The following ASTN2 variants were observed in gnomAD, a reference collection of about 807,000 sequenced individuals.
The protein encoded by ASTN2 is astrotactin-2.
ASTN2 carries 54 observed loss-of-function variants against 139.8 expected under a neutral mutation model. The ratio of observed to expected loss-of-function variants is 0.39; its 90% CI spans 0.31 to 0.48. The LOEUF (loss-of-function observed/expected upper bound fraction) is 0.48. Ranked by LOEUF, ASTN2 falls within the 20% of genes least tolerant of loss-of-function variation. The pLI is 0.95. For missense variants in ASTN2, 1,565 were observed against 1,725.1 expected, an observed-to-expected ratio of 0.91 and a Z score of 1.64; for synonymous variants, 756 against 719.5, an observed-to-expected ratio of 1.05 and a Z score of -0.81.
At chr9:116,568,870 G>A (rs567292943) in intron 19 of ASTN2, 3 of 152,320 alleles carry the variant, frequency 2.0e-5, no homozygotes, top group African/African-American at 7.2e-5. Context: ...AAAGAAGAAA[G>A]AAGCTTAGGA....
In ASTN2 at chr9:116,862,411, C is replaced by T. The variant is rs370204377; in HGVS notation, c.2040+1172G>A. Among the ~76,000 whole-genome samples the T allele has an allele frequency of 4.6e-5, 7 of 152,228 alleles. No homozygotes were observed. In the East Asian group the frequency reaches 7.7e-4, roughly 17 times the overall value. On this transcript the variant is annotated intron_variant, in intron 11 of 22. Coordinates refer to ENST00000313400, the MANE Select transcript of ASTN2 (RefSeq NM_001365068.1). ...ACTGAAAAACCAGTCTGTGCTATAA[C>T]GTGTCACAGGTGACTTAATAAAGCT...
intron 19 of ASTN2, among the ~76,000 whole-genome samples, chr9:116,554,678 G>C (rs1482358999): frequency 6.6e-6 from 1 of 152,114 alleles, no homozygotes; most frequent in Non-Finnish European, 1.5e-5. Flanking sequence ...TATCTGTCTA[G>C]AATTTTATAA....
rs1193240648 is a variant in ASTN2, at chr9:116,487,508, G to A, written c.3356-8C>T. ...CAAAACTCAGGAATTCTCCTGGAGG[G>A]AGAAAAAGAAAGATGAGCTCCCCAG... On this transcript the variant is annotated splice_region_variant and splice_polypyrimidine_tract_variant and intron_variant, in intron 19 of 22. Coordinates refer to ENST00000313400, the MANE Select transcript of ASTN2 (RefSeq NM_001365068.1). The A allele has an allele frequency of 1.9e-6, 3 of 1,612,168 alleles. No homozygotes were observed. Among genetic ancestry groups the A allele is most frequent in the Admixed American group, 1.7e-5 (1 of 59,778 alleles).
intron 1 of ASTN2, among the ~76,000 whole-genome samples, chr9:117,310,549 G>A (rs1827942507): frequency 6.6e-6 from 1 of 152,154 alleles, no homozygotes; most frequent in Non-Finnish European, 1.5e-5. Context: ...ACCAAGAGCA[G>A]CCCTTAGCCA....
At chr9:116,975,154 G>T in intron 10 of ASTN2, 54 bp downstream of exon 10, 1 of 1,479,024 alleles carries the variant, frequency 6.8e-7, no homozygotes, top group Non-Finnish European at 9.0e-7. Context: ...CCAACAGGGG[G>T]ACTTCCAAGG....
chr9:117,124,724 G>A (rs1384322104), intron 4 of ASTN2, among the ~76,000 whole-genome samples: 1 of 151,178 alleles, frequency 6.6e-6, no homozygotes, highest in Non-Finnish European at 1.5e-5. Context: ...AGAAGCTATT[G>A]CTTCACAGAG....
At chr9:116,959,209 T>C (rs756274131) in intron 10 of ASTN2, among the ~76,000 whole-genome samples, 2 of 152,152 alleles carry the variant, frequency 1.3e-5, no homozygotes, top group Non-Finnish European at 2.9e-5. Flanking sequence ...TAAGGCTTCC[T>C]GGAGGAGGTG....
intron 1 of ASTN2, among the ~76,000 whole-genome samples, chr9:117,323,774 T>A (rs1340599235): frequency 6.6e-6 from 1 of 152,278 alleles, no homozygotes; most frequent in South Asian, 2.1e-4. Context: ...TTTTCTTTCT[T>A]TATATATATA....
intron 20 of ASTN2, among the ~76,000 whole-genome samples, chr9:116,470,686 A>G (rs1399224728): frequency 6.6e-6 from 1 of 152,222 alleles, no homozygotes; most frequent in Non-Finnish European, 1.5e-5. Context: ...TCTTCACTGA[A>G]GAGAAGGCAA....
At chr9:116,774,596 G>C (rs1339298562) in intron 13 of ASTN2, among the ~76,000 whole-genome samples, 1 of 152,106 alleles carries the variant, frequency 6.6e-6, no homozygotes, top group Non-Finnish European at 1.5e-5. Context: ...TCAGCACTAG[G>C]TGACCCAGTT....
chr9:116,444,103 C>T (rs558503804), intron 20 of ASTN2, among the ~76,000 whole-genome samples: 1 of 67,350 alleles, frequency 1.5e-5, no homozygotes, highest in East Asian at 7.7e-4. Flanking sequence ...CACTATTACT[C>T]TCTTTATTTT....
intron 16 of ASTN2, among the ~76,000 whole-genome samples, chr9:116,696,477 T>G (rs1049003247): frequency 6.6e-5 from 10 of 152,190 alleles, no homozygotes; most frequent in African/African-American, 2.4e-4. Flanking sequence ...TCTTGTCCTT[T>G]CCTTTGCCTT....
intron 10 of ASTN2, among the ~76,000 whole-genome samples, chr9:116,973,390 A>G (rs1836264779): frequency 6.6e-6 from 1 of 152,248 alleles, no homozygotes; most frequent in South Asian, 2.1e-4. Context: ...GAAAACGTAG[A>G]GAATTAAACT....
At chr9:116,834,005 T>C (rs1462419378) in intron 11 of ASTN2, among the ~76,000 whole-genome samples, 2 of 152,222 alleles carry the variant, frequency 1.3e-5, no homozygotes, top group Non-Finnish European at 2.9e-5. Flanking sequence ...CACCTCAATC[T>C]TAGACTTCAG....
chr9:116,870,155 T>C (rs910411151), intron 10 of ASTN2, among the ~76,000 whole-genome samples: 3 of 152,120 alleles, frequency 2.0e-5, no homozygotes, highest in Non-Finnish European at 4.4e-5. Flanking sequence ...AAAAATACTG[T>C]ATTTACAGAA....
intron 3 of ASTN2, among the ~76,000 whole-genome samples, chr9:117,179,295 T>C (rs2132941975): frequency 6.6e-6 from 1 of 152,294 alleles, no homozygotes; most frequent in East Asian, 1.9e-4. Flanking sequence ...AATGATATGC[T>C]GATATATACA....
intron 11 of ASTN2, among the ~76,000 whole-genome samples, chr9:116,854,783 C>T (rs4837947): frequency 0.21 from 32,443 of 151,590 alleles, 4,031 homozygotes; most frequent in Non-Finnish European, 0.28. Context: ...TCCTGAGTAG[C>T]TGGGACTATA....
At chr9:116,686,742 T>C (rs553229576) in intron 16 of ASTN2, 1 of 1,550,580 alleles carries the variant, frequency 6.4e-7, no homozygotes, top group African/African-American at 1.4e-5. Context: ...TCCCCAAGTC[T>C]GCCTCTGCTG....
intron 1 of ASTN2, among the ~76,000 whole-genome samples, chr9:117,335,851 A>G (rs1430298001): frequency 6.6e-6 from 1 of 152,150 alleles, no homozygotes; most frequent in Non-Finnish European, 1.5e-5. Context: ...ATCCATATCT[A>G]TGTGTACCCA....
Sources: allele counts gnomAD v4.1 joint callset (sites outside exome capture counted in the v4.1 genomes callset), GRCh38; gene constraint gnomAD v4.1.1; transcripts MANE v1.5; gene names NCBI Gene and HGNC (gene_info 2026-07-23, HGNC 2026-07-21).